The following DOK6 variants were observed in gnomAD, a reference collection of about 807,000 sequenced individuals.
DOK6 encodes the protein downstream of tyrosine kinase 6.
DOK6 carries 22 observed loss-of-function variants against 44.0 expected under a neutral mutation model. The ratio of observed to expected loss-of-function variants is 0.50; its 90% CI spans 0.36 to 0.71. The LOEUF is 0.71. Ranked by LOEUF, DOK6 falls within the 30% of genes least tolerant of loss-of-function variation. The pLI, the probability that DOK6 is intolerant of heterozygous loss-of-function variation, is 0.00. For synonymous variants in DOK6, 166 were observed against 145.5 expected (o/e 1.14, Z -1.01); for missense variants, 340 against 416.4 (o/e 0.82, Z 1.60).
intron 2 of DOK6, among the ~76,000 whole-genome samples, chr18:69,575,586 G>GA (rs1242047316): frequency 3.9e-5 from 6 of 152,098 alleles, no homozygotes; most frequent in East Asian, 3.9e-4. Context: ...GCCCTGACAG[G>GA]AAAAAAGCTA....
intron 2 of DOK6, among the ~76,000 whole-genome samples, chr18:69,573,499 C>T (rs185131319): frequency 1.5e-3 from 235 of 151,952 alleles, no homozygotes; most frequent in African/African-American, 5.2e-3. Flanking sequence ...TTCACTTTCC[C>T]GGTGACTTAA....
intron 1 of DOK6, among the ~76,000 whole-genome samples, chr18:69,491,133 T>C (rs1980723925): frequency 6.6e-6 from 1 of 152,130 alleles, no homozygotes; most frequent in Non-Finnish European, 1.5e-5. Flanking sequence ...TTATCTACAA[T>C]GGCATGGTTT....
intron 5 of DOK6, among the ~76,000 whole-genome samples, chr18:69,699,322 A>G (rs1986459660): frequency 6.6e-6 from 1 of 152,218 alleles, no homozygotes; most frequent in East Asian, 1.9e-4. Flanking sequence ...TTATAAGGCA[A>G]TTATAGTGAA....
intron 5 of DOK6, among the ~76,000 whole-genome samples, chr18:69,716,551 G>A (rs780337677): frequency 1.4e-4 from 21 of 151,974 alleles, no homozygotes; most frequent in Non-Finnish European, 3.1e-4. Flanking sequence ...TCTATACCGT[G>A]TACACACTGC....
intron 1 of DOK6, among the ~76,000 whole-genome samples, chr18:69,463,237 G>A (rs975340266): frequency 1.3e-5 from 2 of 152,010 alleles, no homozygotes; most frequent in Non-Finnish European, 2.9e-5. Flanking sequence ...AATCATGAAG[G>A]TTCTGCCCTC....
intron 1 of DOK6, among the ~76,000 whole-genome samples, chr18:69,451,781 TG>T (rs1380640571): frequency 1.6e-5 from 2 of 122,130 alleles, no homozygotes; most frequent in East Asian, 4.9e-4. Context: ...CTCAACTACA[TG>T]GAAACTGAAC....
At chr18:69,702,142 T>TTG (rs1986535938) in intron 5 of DOK6, among the ~76,000 whole-genome samples, 1 of 150,568 alleles carries the variant, frequency 6.6e-6, no homozygotes, top group African/African-American at 2.4e-5. Flanking sequence ...TGGTTTTTTT[T>TTG]TTTTTTTTTT....
rs71178805 is a variant in DOK6 at position 69,712,326 on chromosome 18, AT to A, written c.599+13736del. On this transcript the variant is annotated intron_variant, in intron 5 of 7. Transcript: ENST00000382713. ...AAAAAAAAAAAAAAAAAAAAAAAAA[AT>A]TTAACCTTTTCCGAATCACATTTGT... Among the ~76,000 whole-genome samples, 56 of 50,174 alleles carry A rather than the reference AT, an allele frequency of 1.1e-3. 25 individuals carry two copies. The highest frequency in any genetic ancestry group is 2.8e-3 in the South Asian group (4 of 1,420). The allele number at this position is 50,174 out of a possible 152,430, so 32.9% of individuals were successfully genotyped here.
chr18:69,763,621 A>G (rs796924980), intron 7 of DOK6, among the ~76,000 whole-genome samples: 5 of 152,320 alleles, frequency 3.3e-5, no homozygotes, highest in African/African-American at 1.2e-4. Context: ...GGAGGGGAGC[A>G]CAGGAAAGGG....
intron 6 of DOK6, among the ~76,000 whole-genome samples, chr18:69,746,047 C>CA (rs1323695693): frequency 1.3e-5 from 2 of 152,020 alleles, no homozygotes. Flanking sequence ...TCCTTTTATT[C>CA]AAAGAGCAGC....
At chr18:69,776,446 A>G (rs1285848093) in intron 7 of DOK6, among the ~76,000 whole-genome samples, 3 of 152,088 alleles carry the variant, frequency 2.0e-5, no homozygotes, top group African/African-American at 7.2e-5. Flanking sequence ...CTTATTACAT[A>G]TTGGAACTAC....
At chr18:69,835,983 G>GTTA (rs1265826397) in intron 7 of DOK6, among the ~76,000 whole-genome samples, 2 of 152,128 alleles carry the variant, frequency 1.3e-5, no homozygotes, top group Admixed American at 1.3e-4. Flanking sequence ...TAAAATCAGT[G>GTTA]TTATTAAGAT....
rs1281215451 is a variant in DOK6 at position 69,848,231 on chromosome 18, A to C, written c.*6848A>C. 6.6e-6 allele frequency: 1 copy of C among 152,178 alleles called. No individual in the cohort carries two copies. Among genetic ancestry groups the C allele is most frequent in the African/African-American group, 2.4e-5 (1 of 41,434 alleles). The allele number at this position is 152,178 out of a possible 1,614,324, so 9.4% of individuals were successfully genotyped here. On this transcript the variant is annotated 3_prime_UTR_variant, in exon 8 of 8. Transcript: ENST00000382713. ...TTGTAAATCTTTATTTAATTAATTT[A>C]TATATACTTTGTGAAGTCTTATACT...
intron 1 of DOK6, among the ~76,000 whole-genome samples, chr18:69,522,883 T>C (rs1981726781): frequency 6.6e-6 from 1 of 152,136 alleles, no homozygotes; most frequent in Non-Finnish European, 1.5e-5. Flanking sequence ...TCCAGTCTCC[T>C]TGCTTCTTTC....
intron 2 of DOK6, among the ~76,000 whole-genome samples, chr18:69,567,706 T>C (rs1397195728): frequency 7.9e-5 from 12 of 152,160 alleles, no homozygotes; most frequent in Non-Finnish European, 1.3e-4. Flanking sequence ...CTCCCACAGA[T>C]GACATATAGA....
chr18:69,455,606 G>A (rs554545089), intron 1 of DOK6, among the ~76,000 whole-genome samples: 1 of 152,212 alleles, frequency 6.6e-6, no homozygotes, highest in East Asian at 1.9e-4. Context: ...ATTGTATATT[G>A]GGAGATATTT....
chr18:69,808,749 A>C (rs1393511954), intron 7 of DOK6, among the ~76,000 whole-genome samples: 4 of 151,916 alleles, frequency 2.6e-5, no homozygotes, highest in Non-Finnish European at 5.9e-5. Flanking sequence ...GAAGAAATAG[A>C]AAATGTGAAC....
At chr18:69,562,464 T>C (rs529427954) in intron 1 of DOK6, among the ~76,000 whole-genome samples, 35 of 152,186 alleles carry the variant, frequency 2.3e-4, no homozygotes, top group Non-Finnish European at 4.1e-4. Context: ...AGTCAGGTAG[T>C]GTGATGCCTC....
chr18:69,508,478 C>A (rs1003000814), intron 1 of DOK6, among the ~76,000 whole-genome samples: 1 of 152,078 alleles, frequency 6.6e-6, no homozygotes, highest in East Asian at 1.9e-4. Flanking sequence ...TCATCTGTAC[C>A]TTTCCAATTT....
Sources: allele counts gnomAD v4.1 joint callset (sites outside exome capture counted in the v4.1 genomes callset), GRCh38; gene constraint gnomAD v4.1.1; transcripts MANE v1.5; gene names NCBI Gene and HGNC (gene_info 2026-07-23, HGNC 2026-07-21).